The following DUSP5 variants were observed in gnomAD, a reference collection of about 807,000 sequenced individuals.
DUSP5 encodes dual specificity phosphatase 5.
DUSP5 carries 22 observed loss-of-function variants against 33.6 expected under a neutral mutation model. That is an observed-to-expected ratio of 0.66 (90% CI 0.47 to 0.94). The LOEUF is 0.94. Ranked by LOEUF, DUSP5 falls within the 40% of genes least tolerant of loss-of-function variation. DUSP5 has a pLI of 0.00. For synonymous variants in DUSP5, 270 were observed against 231.1 expected, an observed-to-expected ratio of 1.17 and a Z score of -1.53; for missense variants, 551 against 522.1, an observed-to-expected ratio of 1.06 and a Z score of -0.54.
intron 3 of DUSP5, among the ~76,000 whole-genome samples, 172 bp downstream of exon 3, chr10:110,507,326 G>A (rs1167981718): frequency 6.6e-6 from 1 of 152,222 alleles, no homozygotes; most frequent in African/African-American, 2.4e-5. Flanking sequence ...GTGGAAGGGA[G>A]GATTTAAGTT....
At chr10:110,502,627 G>GT in intron 1 of DUSP5, 94 bp from the exon 2 acceptor site, 1 of 1,441,790 alleles carries the variant, frequency 6.9e-7, no homozygotes. Flanking sequence ...TCTTAACTGT[G>GT]TAACACTCAG....
chr10:110,510,470 T>G lies in DUSP5; in HGVS notation c.*44T>G, dbSNP rs1285338191. On this transcript the variant is annotated 3_prime_UTR_variant, in exon 4 of 4. Coordinates refer to ENST00000369583, the MANE Select transcript of DUSP5 (RefSeq NM_004419.4). Reference sequence around the variant, plus strand: ...GGCCCAGCCCCAAGAGCAACTGTGATTTTTGTTTTTAAGACTCATGGACAT... The same window carrying G: ...GGCCCAGCCCCAAGAGCAACTGTGAGTTTTGTTTTTAAGACTCATGGACAT... 2.0e-6 allele frequency: 3 copies of G among 1,490,538 alleles called. No individual in the cohort carries two copies. The highest frequency in any genetic ancestry group is 1.4e-5 in the African/African-American group (1 of 71,276). 92.3% of individuals were successfully genotyped at this position (1,490,538 alleles called of 1,614,324 possible).
At chr10:110,508,947 C>G (rs1159276115) in intron 3 of DUSP5, among the ~76,000 whole-genome samples, 1 of 152,158 alleles carries the variant, frequency 6.6e-6, no homozygotes, top group Non-Finnish European at 1.5e-5. Flanking sequence ...GATTTGCATA[C>G]TTTGACCTTG....
intron 2 of DUSP5, among the ~76,000 whole-genome samples, chr10:110,505,078 A>G (rs1860100990): frequency 6.6e-6 from 1 of 152,240 alleles, no homozygotes; most frequent in Admixed American, 6.5e-5. Flanking sequence ...CGAGGAGGTG[A>G]TGCAGATGGA....
At position 110,510,676 on chromosome 10, in the gene DUSP5, C is replaced by A. The variant is rs531658390; in HGVS notation, c.*250C>A. 17 of 475,422 alleles carry A rather than the reference C, an allele frequency of 3.6e-5. No homozygotes were observed. Among genetic ancestry groups the A allele is most frequent in the Admixed American group, 3.4e-4 (9 of 26,370 alleles). The allele number at this position is 475,422 out of a possible 1,614,324, so 29.5% of individuals were successfully genotyped here. ...TGACTACTGTACTTCCAGACCCCTG[C>A]CCTCTTGGGACTGCCCAGTCCTTGC... On this transcript the variant is annotated 3_prime_UTR_variant, in exon 4 of 4. Transcript: ENST00000369583.
At chr10:110,508,759 T>C (rs1278692640) in intron 3 of DUSP5, among the ~76,000 whole-genome samples, 2 of 151,958 alleles carry the variant, frequency 1.3e-5, no homozygotes, top group Non-Finnish European at 2.9e-5. Context: ...GACTTGGGGG[T>C]CTCCCCTTTG....
At position 110,497,963 on chromosome 10, in the gene DUSP5, G is replaced by A. The variant is rs908060172; in HGVS notation, c.-159G>A. On this transcript the variant is annotated 5_prime_UTR_variant, in exon 1 of 4. Transcript: ENST00000369583. ...TATCGAGCGAGCGGGGCGGGAACGC[G>A]GAGTTGCGCCGCCGCTCGGGCGCCG... 4 of 450,560 alleles carry A rather than the reference G, an allele frequency of 8.9e-6. No homozygotes were observed. The highest frequency in any genetic ancestry group is 9.3e-5 in the South Asian group (1 of 10,804). The allele number at this position is 450,560 out of a possible 1,614,324, so 27.9% of individuals were successfully genotyped here.
intron 1 of DUSP5, among the ~76,000 whole-genome samples, chr10:110,500,156 T>C (rs1860025312): frequency 6.6e-6 from 1 of 152,210 alleles, no homozygotes; most frequent in African/African-American, 2.4e-5. Context: ...ATAAGTATCT[T>C]AGAAATAGAT....
intron 1 of DUSP5, among the ~76,000 whole-genome samples, chr10:110,500,531 C>T (rs1332767964): frequency 1.3e-5 from 2 of 152,234 alleles, no homozygotes; most frequent in South Asian, 4.1e-4. Flanking sequence ...AATCTGGTGG[C>T]ATCTCAGATC....
chr10:110,499,741 G>C (rs1860017688), intron 1 of DUSP5, among the ~76,000 whole-genome samples: 1 of 152,228 alleles, frequency 6.6e-6, no homozygotes, highest in Non-Finnish European at 1.5e-5. Context: ...AGGGGATAGA[G>C]GGTTGGCCCT....
At position 110,498,145 on chromosome 10, in the gene DUSP5, G is replaced by A. The variant is rs1402282246; in HGVS notation, c.24G>A (p.Gly8=). The A allele has an allele frequency of 6.9e-6, 10 of 1,456,996 alleles. No homozygotes were observed. The highest frequency in any genetic ancestry group is 6.3e-5 in the Admixed American group (3 of 47,608). The allele number at this position is 1,456,996 out of a possible 1,614,324, so 90.3% of individuals were successfully genotyped here. The change falls in exon 1 of 4, where the codon GGG becomes GGA. Residue 8 remains glycine (G), a synonymous_variant. Coordinates refer to ENST00000369583, the MANE Select transcript of DUSP5 (RefSeq NM_004419.4). MKVTSLD[G]RQLRKMLRKE... is the part of the protein sequence containing the mutation. ...GCATGAAGGTCACGTCGCTCGACGG[G>A]CGCCAGCTGCGCAAGATGCTCCGCA...
intron 1 of DUSP5, among the ~76,000 whole-genome samples, chr10:110,500,852 G>C (rs1480541918): frequency 1.3e-5 from 2 of 152,218 alleles, no homozygotes; most frequent in African/African-American, 2.4e-5. Context: ...CTGAATCCCA[G>C]CTTGAAGAGG....
rs374689886 is a variant in DUSP5, at chr10:110,507,044, G to A, written c.638G>A (p.Arg213Gln). The A allele has an allele frequency of 9.3e-6, 15 of 1,614,084 alleles. No homozygotes were observed. The highest frequency in any genetic ancestry group is 6.7e-5 in the Admixed American group (4 of 60,014). Residue 213 changes from arginine (R) to glutamine (Q), a missense_variant, in exon 3 of 4, where the codon CGA becomes CAA. Around this residue, in one of 3 missense-constraint regions of DUSP5, gnomAD observed 381 missense variants for 310.4 expected, o/e 1.23. Transcript: ENST00000369583. ...LHITALLNVS[R>Q]RTSEACATHL... ...ATCACAGCCCTGCTGAATGTCTCCC[G>A]ACGGACCTCCGAGGCCTGCGCGACC...
chr10:110,505,565 CCTGT>C (rs941717142), intron 2 of DUSP5, among the ~76,000 whole-genome samples: 1 of 152,166 alleles, frequency 6.6e-6, no homozygotes, highest in Non-Finnish European at 1.5e-5. Flanking sequence ...GTGGCTGGCC[CCTGT>C]CCCACGCACC....
In DUSP5 at chr10:110,509,374, G is replaced by T. The variant is rs1354948331; in HGVS notation, c.749-646G>T. Reference sequence around the variant, plus strand: ...GTCTAGTAGGCGTCACTTAGCCAGGGCTATAATTAGTGGCCATGCGCTATT... The same window carrying T: ...GTCTAGTAGGCGTCACTTAGCCAGGTCTATAATTAGTGGCCATGCGCTATT... On this transcript the variant is annotated intron_variant, in intron 3 of 3. Coordinates refer to ENST00000369583, the MANE Select transcript of DUSP5 (RefSeq NM_004419.4). Among the ~76,000 whole-genome samples the T allele has an allele frequency of 3.9e-5, 6 of 152,206 alleles. No individual in the cohort carries two copies. In the East Asian group the frequency reaches 1.2e-3, roughly 29 times the overall value.
Position 110,498,303 on chromosome 10 carries a change from C to G in DUSP5, c.182C>G (p.Ser61Trp), listed in dbSNP as rs1357915575. ...VLRRARGGAV[S>W]ARYVLPDEAA... The stretch of plus-strand genomic sequence containing the variant: ...CGGCGGGCCCGGGGCGGCGCGGTGT[C>G]GGCGCGCTACGTGCTGCCCGACGAG... Residue 61 changes from serine to tryptophan, a missense_variant, in exon 1 of 4, where the codon TCG becomes TGG. By Grantham distance (177) the Ser-to-Trp change is radical. Coordinates refer to ENST00000369583, the MANE Select transcript of DUSP5 (RefSeq NM_004419.4). 2 of 1,434,752 alleles carry G rather than the reference C, an allele frequency of 1.4e-6. No individual in the cohort carries two copies. The highest frequency in any genetic ancestry group is 1.5e-5 in the South Asian group (1 of 68,342). 88.9% of individuals were successfully genotyped at this position (1,434,752 alleles called of 1,614,324 possible).
Position 110,498,152 on chromosome 10 carries a change from CTGCGCAAGA to C in DUSP5, c.35_43del (p.Arg12_Met14del). The C allele has an allele frequency of 2.0e-6, 3 of 1,464,094 alleles. No homozygotes were observed. Among genetic ancestry groups the C allele is most frequent in the Non-Finnish European group, 2.7e-6 (3 of 1,103,880 alleles). 90.7% of individuals were successfully genotyped at this position (1,464,094 alleles called of 1,614,324 possible). On this transcript the variant is annotated inframe_deletion, in exon 1 of 4. Transcript: ENST00000369583. Reference sequence around the variant, plus strand: ...GGTCACGTCGCTCGACGGGCGCCAGCTGCGCAAGATGCTCCGCAAGGAGGCGGCGGCGCG... The same window carrying C: ...GGTCACGTCGCTCGACGGGCGCCAGCTGCTCCGCAAGGAGGCGGCGGCGCG...
At chr10:110,499,575 A>G (rs769173921) in intron 1 of DUSP5, among the ~76,000 whole-genome samples, 9 of 152,182 alleles carry the variant, frequency 5.9e-5, no homozygotes, top group Non-Finnish European at 1.0e-4. Context: ...TTTTAAAGCC[A>G]TGCAACTTGA....
intron 2 of DUSP5, among the ~76,000 whole-genome samples, chr10:110,506,734 A>G (rs752237976): frequency 6.6e-6 from 1 of 152,242 alleles, no homozygotes; most frequent in Admixed American, 6.5e-5. Context: ...TTGAGTCACA[A>G]GGCAGTCACA....
Sources: gnomAD v4.1 joint callset for allele counts (sites outside exome capture counted in the v4.1 genomes callset) on GRCh38, gnomAD v4.1.1 for gene constraint, gnomAD v4.1.1 regional missense constraint, MANE v1.5 for transcripts, NCBI Gene and HGNC (gene_info 2026-07-23, HGNC 2026-07-21) for gene names.